ARHGAP15: variants seen among roughly 807,000 people sequenced by gnomAD.
ARHGAP15 encodes Rho GTPase activating protein 15, also known as rho GTPase-activating protein 15.
In ARHGAP15, 51 loss-of-function variants were observed where a neutral mutation model predicts 63.7. The ratio of observed to expected loss-of-function variants is 0.80; its 90% confidence interval spans 0.64 to 1.01. The LOEUF (loss-of-function observed/expected upper bound fraction) is 1.01. Among genes scored for constraint, ARHGAP15 ranks in the 50% least tolerant of loss-of-function variants. The probability of loss-of-function intolerance (pLI) is 0.00; values close to 1 mark genes in which losing one functional copy is unlikely to be tolerated. For missense variants in ARHGAP15, 560 were observed against 564.6 expected, an observed-to-expected ratio of 0.99 and a Z score of 0.08; for synonymous variants, 191 against 193.8, an observed-to-expected ratio of 0.99 and a Z score of 0.12.
At position 143,320,186 on chromosome 2, in the gene ARHGAP15, G is replaced by A. The variant is rs569871301; in HGVS notation, c.474+69586G>A. Among the ~76,000 whole-genome samples the A allele has an allele frequency of 1.2e-4, 19 of 152,204 alleles. 1 individual carries two copies. The highest frequency in any genetic ancestry group is 2.1e-4 in the Non-Finnish European group (14 of 67,994). The stretch of plus-strand genomic sequence containing the variant: ...CTTGCTAATATAAACTACATGACCT[G>A]ATTAGGATTCTTTAGCTGCATCAAT... On this transcript the variant is annotated intron_variant, in intron 6 of 13. Transcript: ENST00000295095.
chr2:143,376,806 C>T (rs538463665), intron 6 of ARHGAP15, among the ~76,000 whole-genome samples: 1 of 152,150 alleles, frequency 6.6e-6, no homozygotes, highest in South Asian at 2.1e-4. Flanking sequence ...AACCTGGTCT[C>T]AGCTCAGTTT....
chr2:143,640,709 A>G (rs1159713057), intron 12 of ARHGAP15: 1 of 152,160 alleles, frequency 6.6e-6, no homozygotes, highest in Non-Finnish European at 1.5e-5. Flanking sequence ...CTATAAAAAT[A>G]AATTACTGTC....
At chr2:143,470,951 C>T (rs1287456113) in intron 8 of ARHGAP15, among the ~76,000 whole-genome samples, 1 of 137,476 alleles carries the variant, frequency 7.3e-6, no homozygotes, top group Non-Finnish European at 1.6e-5. Flanking sequence ...TATATACACA[C>T]ATGTGTATCA....
chr2:143,320,409 C>CCCCCCCCCCCCCCCG (rs1683957484), intron 6 of ARHGAP15, among the ~76,000 whole-genome samples: 2 of 15,104 alleles, frequency 1.3e-4, no homozygotes, highest in Non-Finnish European at 2.9e-4. Flanking sequence ...GACTTCCCCA[C>CCCCCCCCCCCCCCCG]CCCCCCCCCC....
intron 13 of ARHGAP15, among the ~76,000 whole-genome samples, chr2:143,718,324 G>C (rs991735436): frequency 6.6e-6 from 1 of 152,090 alleles, no homozygotes. Context: ...GTCCCTAGGG[G>C]GCAAAGAAAG....
At chr2:143,608,843 A>G (rs1698147706) in intron 11 of ARHGAP15, 1 of 152,196 alleles carries the variant, frequency 6.6e-6, no homozygotes, top group South Asian at 2.1e-4. Context: ...TTCCATCTGT[A>G]TCTTATATTA....
intron 12 of ARHGAP15, among the ~76,000 whole-genome samples, chr2:143,695,019 T>C (rs544893077): frequency 2.6e-5 from 4 of 152,326 alleles, no homozygotes; most frequent in East Asian, 3.9e-4. Context: ...GAAAAGTATT[T>C]GTAGGATTTC....
At chr2:143,655,812 C>T (rs1681404249) in intron 12 of ARHGAP15, among the ~76,000 whole-genome samples, 1 of 151,966 alleles carries the variant, frequency 6.6e-6, no homozygotes, top group African/African-American at 2.4e-5. Flanking sequence ...CAAGGTTGCC[C>T]CACCTTAACA....
At chr2:143,145,237 T>C in intron 1 of ARHGAP15, among the ~76,000 whole-genome samples, 1 of 152,022 alleles carries the variant, frequency 6.6e-6, no homozygotes, top group East Asian at 1.9e-4. Context: ...GATTCAACAA[T>C]AAATTATAAT....
At chr2:143,323,655 G>A (rs975154958) in intron 6 of ARHGAP15, among the ~76,000 whole-genome samples, 1 of 152,022 alleles carries the variant, frequency 6.6e-6, no homozygotes, top group Non-Finnish European at 1.5e-5. Context: ...CCAGCACTGT[G>A]GGAGGCTGAG....
chr2:143,194,709 C>CCGTT (rs57572462), intron 2 of ARHGAP15, among the ~76,000 whole-genome samples: 3 of 151,592 alleles, frequency 2.0e-5, no homozygotes, highest in Non-Finnish European at 2.9e-5. Context: ...TCTGAGAAAA[C>CCGTT]AGAGAGAAAC....
At chr2:143,474,309 C>G (rs916600704) in intron 8 of ARHGAP15, among the ~76,000 whole-genome samples, 1 of 152,128 alleles carries the variant, frequency 6.6e-6, no homozygotes, top group African/African-American at 2.4e-5. Context: ...TAATCACCCC[C>G]CACCCTTGAG....
At chr2:143,574,091 T>C (rs1696570201) in intron 11 of ARHGAP15, among the ~76,000 whole-genome samples, 1 of 152,164 alleles carries the variant, frequency 6.6e-6, no homozygotes, top group Non-Finnish European at 1.5e-5. Flanking sequence ...TAGTGGTACC[T>C]GAACCTATTA....
chr2:143,657,692 C>T (rs763948150), intron 12 of ARHGAP15, among the ~76,000 whole-genome samples: 1 of 152,182 alleles, frequency 6.6e-6, no homozygotes, highest in African/African-American at 2.4e-5. Flanking sequence ...GTTTTGTTCT[C>T]TAGTCATTCC....
intron 6 of ARHGAP15, among the ~76,000 whole-genome samples, chr2:143,425,348 TAGAG>T (rs1251760057): frequency 3.2e-4 from 48 of 151,602 alleles, no homozygotes; most frequent in African/African-American, 7.3e-4. Flanking sequence ...TCTTTATATA[TAGAG>T]AGAAATAGAA....
intron 2 of ARHGAP15, among the ~76,000 whole-genome samples, chr2:143,158,959 T>C (rs1382970651): frequency 2.6e-5 from 4 of 151,920 alleles, no homozygotes; most frequent in Non-Finnish European, 5.9e-5. Flanking sequence ...GAATAGATAT[T>C]AATGAGGAGT....
chr2:143,727,023 C>G (rs568915230), intron 13 of ARHGAP15, among the ~76,000 whole-genome samples: 2 of 152,248 alleles, frequency 1.3e-5, no homozygotes, highest in East Asian at 3.9e-4. Flanking sequence ...TCAGTTACCC[C>G]CTCCATCACT....
intron 8 of ARHGAP15, among the ~76,000 whole-genome samples, chr2:143,447,430 G>A (rs916367231): frequency 2.0e-5 from 3 of 152,156 alleles, no homozygotes; most frequent in African/African-American, 2.4e-5. Flanking sequence ...GAAAACCACT[G>A]AAAGTCTGGT....
At chr2:143,636,352 T>C (rs907338550) in intron 12 of ARHGAP15, among the ~76,000 whole-genome samples, 3 of 152,208 alleles carry the variant, frequency 2.0e-5, no homozygotes, top group African/African-American at 7.2e-5. Flanking sequence ...CATTACCTCA[T>C]TGAAATATTC....
Sources: allele counts gnomAD v4.1 joint callset (sites outside exome capture counted in the v4.1 genomes callset), GRCh38; gene constraint gnomAD v4.1.1; transcripts MANE v1.5; gene names NCBI Gene and HGNC (gene_info 2026-07-23, HGNC 2026-07-21).